SLC9A9: variants seen among roughly 807,000 people sequenced by gnomAD.
The protein encoded by SLC9A9 is solute carrier family 9 member A9.
In SLC9A9, 62 loss-of-function variants were observed where a neutral mutation model predicts 77.8. The observed-to-expected ratio is 0.80, with a 90% confidence interval of 0.65 to 0.98. SLC9A9 has a LOEUF of 0.98. Ranked by LOEUF, SLC9A9 falls within the 50% of genes least tolerant of loss-of-function variation. The probability of loss-of-function intolerance (pLI) is 0.00; values close to 1 mark genes in which losing one functional copy is unlikely to be tolerated. For synonymous variants in SLC9A9, 320 were observed against 283.5 expected, an observed-to-expected ratio of 1.13 and a Z score of -1.29; for missense variants, 775 against 774.9, an observed-to-expected ratio of 1.00 and a Z score of 0.00.
intron 9 of SLC9A9, among the ~76,000 whole-genome samples, chr3:143,539,888 G>C (rs1189152113): frequency 3.9e-5 from 6 of 152,036 alleles, no homozygotes; most frequent in African/African-American, 1.4e-4. Context: ...GAGAGAGAGA[G>C]AGAGAGAGAG....
rs560396580 is a variant in SLC9A9, at chr3:143,518,519, T to C, written c.1090-23071A>G. ...GATTCCATCCCATCGTGTCCACCGC[T>C]GCAGTAATTACTGTCCTAAATTTTG... is the stretch of plus-strand genomic sequence containing the variant. On this transcript the variant is annotated intron_variant, in intron 9 of 15. Transcript: ENST00000316549. Among the ~76,000 whole-genome samples, 10 of 152,374 alleles carry C rather than the reference T, an allele frequency of 6.6e-5. No homozygotes were observed. The East Asian group carries it at 1.7e-3, about 26-fold the overall frequency.
intron 15 of SLC9A9, among the ~76,000 whole-genome samples, chr3:143,268,095 T>C (rs73161640): frequency 0.1 from 15,821 of 152,156 alleles, 1,004 homozygotes; most frequent in East Asian, 0.27. Context: ...TGAACACACC[T>C]GAGATAAGTT....
intron 9 of SLC9A9, among the ~76,000 whole-genome samples, chr3:143,550,895 C>A (rs1439553743): frequency 6.6e-6 from 1 of 152,176 alleles, no homozygotes; most frequent in Admixed American, 6.5e-5. Flanking sequence ...CCTTCAATGA[C>A]TTCTTGTTAT....
At chr3:143,699,371 G>A (rs1933733135) in intron 4 of SLC9A9, among the ~76,000 whole-genome samples, 1 of 152,170 alleles carries the variant, frequency 6.6e-6, no homozygotes. Flanking sequence ...TAGCAGGTGA[G>A]CACTCACAGT....
At chr3:143,299,561 AG>A (rs2030429671) in intron 14 of SLC9A9, among the ~76,000 whole-genome samples, 1 of 151,728 alleles carries the variant, frequency 6.6e-6, no homozygotes, top group East Asian at 1.9e-4. Context: ...CTCCTGCCTC[AG>A]CCTCCCCAGT....
At chr3:143,566,684 C>T (rs1264826386) in intron 8 of SLC9A9, among the ~76,000 whole-genome samples, 4 of 152,050 alleles carry the variant, frequency 2.6e-5, no homozygotes, top group Admixed American at 2.6e-4. Flanking sequence ...CCTCTGCCTC[C>T]AATGAACATA....
chr3:143,513,214 T>C (rs970371877), intron 9 of SLC9A9, among the ~76,000 whole-genome samples: 14 of 152,250 alleles, frequency 9.2e-5, no homozygotes, highest in African/African-American at 3.4e-4. Context: ...GAGTCAATCC[T>C]CTCAAACTCT....
chr3:143,392,598 C>A (rs2033600379), intron 12 of SLC9A9, among the ~76,000 whole-genome samples: 1 of 152,174 alleles, frequency 6.6e-6, no homozygotes, highest in Admixed American at 6.5e-5. Context: ...TCACACATAA[C>A]AACATTAACC....
chr3:143,635,085 T>C (rs2038495573), intron 6 of SLC9A9, among the ~76,000 whole-genome samples: 1 of 152,122 alleles, frequency 6.6e-6, no homozygotes, highest in African/African-American at 2.4e-5. Flanking sequence ...CAGGGTGCAG[T>C]AGGTCCAGCT....
At chr3:143,345,155 T>C (rs75789150) in intron 14 of SLC9A9, among the ~76,000 whole-genome samples, 1,827 of 152,340 alleles carry the variant, frequency 0.012, 34 homozygotes, top group African/African-American at 0.042. Context: ...TCAAATAAGT[T>C]CCATCTATAT....
At chr3:143,562,495 T>C (rs2037103682) in intron 8 of SLC9A9, among the ~76,000 whole-genome samples, 1 of 152,048 alleles carries the variant, frequency 6.6e-6, no homozygotes, top group Non-Finnish European at 1.5e-5. Context: ...TAAATACACA[T>C]GAATTAATTT....
chr3:143,411,518 G>A (rs754892727), intron 12 of SLC9A9, among the ~76,000 whole-genome samples: 1 of 152,038 alleles, frequency 6.6e-6, no homozygotes, highest in Non-Finnish European at 1.5e-5. Flanking sequence ...TATTTAACTC[G>A]ATCTTCCAGA....
intron 1 of SLC9A9, among the ~76,000 whole-genome samples, chr3:143,836,050 T>C (rs975581118): frequency 1.3e-5 from 2 of 152,186 alleles, no homozygotes; most frequent in Admixed American, 1.3e-4. Context: ...CCCTGACTTC[T>C]CTCCACAGCC....
chr3:143,580,614 A>G (rs925418156), intron 6 of SLC9A9, among the ~76,000 whole-genome samples: 3 of 152,204 alleles, frequency 2.0e-5, no homozygotes, highest in African/African-American at 7.2e-5. Flanking sequence ...TCTTTTTAAT[A>G]TATGTAAAAA....
At chr3:143,470,480 C>CA (rs11312589) in intron 11 of SLC9A9, among the ~76,000 whole-genome samples, 71,354 of 135,650 alleles carry the variant, frequency 0.53, 18,158 homozygotes, top group Non-Finnish European at 0.58. Context: ...AATTCTGGCT[C>CA]AAAAAAAAAA....
At chr3:143,332,125 T>C (rs1263053221) in intron 14 of SLC9A9, among the ~76,000 whole-genome samples, 1 of 152,246 alleles carries the variant, frequency 6.6e-6, no homozygotes, top group Non-Finnish European at 1.5e-5. Context: ...AAATAACTTA[T>C]GCAGGATCTT....
intron 11 of SLC9A9, among the ~76,000 whole-genome samples, chr3:143,477,339 TTTTTTTTTC>T (rs1167982962): frequency 5.5e-4 from 79 of 144,474 alleles, no homozygotes; most frequent in African/African-American, 2.0e-3. Flanking sequence ...AATTTTTTTT[TTTTTTTTTC>T]CCCCTCCCCC....
At chr3:143,621,066 G>A (rs2038202378) in intron 6 of SLC9A9, among the ~76,000 whole-genome samples, 1 of 152,196 alleles carries the variant, frequency 6.6e-6, no homozygotes, top group Non-Finnish European at 1.5e-5. Context: ...CGAGGCTGGG[G>A]GAGGGGCGCC....
At chr3:143,522,796 A>G (rs1433119003) in intron 9 of SLC9A9, among the ~76,000 whole-genome samples, 1 of 152,176 alleles carries the variant, frequency 6.6e-6, no homozygotes, top group Admixed American at 6.5e-5. Context: ...TAATCAGTAC[A>G]CTAGAAAACT....
Sources: allele counts gnomAD v4.1 joint callset (sites outside exome capture counted in the v4.1 genomes callset), GRCh38; gene constraint gnomAD v4.1.1; transcripts MANE v1.5; gene names NCBI Gene and HGNC (gene_info 2026-07-23, HGNC 2026-07-21).